The following ZFAT variants were observed in gnomAD, a reference collection of about 807,000 sequenced individuals.
ZFAT encodes zinc finger and AT-hook domain containing, also known as zinc finger protein ZFAT.
In ZFAT, 64 loss-of-function variants were observed where a neutral mutation model predicts 117.7. That is an observed-to-expected ratio of 0.54 (90% CI 0.44 to 0.67). The LOEUF (loss-of-function observed/expected upper bound fraction) is 0.67, where lower values mean the gene tolerates loss of function less well. ZFAT is among the 30% of genes least tolerant of loss of function. The probability of loss-of-function intolerance (pLI) is 0.00; values close to 1 mark genes in which losing one functional copy is unlikely to be tolerated. For synonymous variants in ZFAT, 679 were observed against 615.0 expected, an observed-to-expected ratio of 1.10 and a Z score of -1.54; for missense variants, 1,433 against 1,584.5, an observed-to-expected ratio of 0.90 and a Z score of 1.62.
intron 1 of ZFAT, chr8:134,696,655 T>G (rs1036390539): frequency 5.2e-6 from 5 of 966,078 alleles, no homozygotes; most frequent in Non-Finnish European, 4.9e-6. Context: ...GGACAGGGCA[T>G]CCTGCCGCCA....
At chr8:134,526,078 T>A (rs1008313925) in intron 12 of ZFAT, among the ~76,000 whole-genome samples, 1 of 152,180 alleles carries the variant, frequency 6.6e-6, no homozygotes, top group Non-Finnish European at 1.5e-5. Flanking sequence ...TGATGTTGCT[T>A]CTCCTATAAA....
intron 1 of ZFAT, among the ~76,000 whole-genome samples, chr8:134,684,441 T>C (rs1833220259): frequency 6.6e-6 from 1 of 152,198 alleles, no homozygotes; most frequent in South Asian, 2.1e-4. Flanking sequence ...CCAGACAGCT[T>C]GGGCCTCAGA....
intron 1 of ZFAT, 54 bp from the exon 2 acceptor site, chr8:134,657,791 T>C: frequency 6.4e-7 from 1 of 1,563,372 alleles, no homozygotes; most frequent in African/African-American, 1.4e-5. Flanking sequence ...AAACAATTAT[T>C]ACTTCCAATT....
At chr8:134,703,541 C>T (rs548291947) in intron 1 of ZFAT, among the ~76,000 whole-genome samples, 52 of 152,332 alleles carry the variant, frequency 3.4e-4, no homozygotes, top group African/African-American at 1.3e-3. Context: ...TTCATGGCCA[C>T]ATCAGCAAGC....
intron 3 of ZFAT, among the ~76,000 whole-genome samples, chr8:134,625,504 C>T (rs1223454255): frequency 6.6e-6 from 1 of 152,220 alleles, no homozygotes; most frequent in Non-Finnish European, 1.5e-5. Context: ...AGTGGTCCTG[C>T]CCTGCTCCCT....
chr8:134,801,673 A>G, the ZFAT span, among the ~76,000 whole-genome samples: 1 of 152,130 alleles, frequency 6.6e-6, no homozygotes, highest in Non-Finnish European at 1.5e-5. Context: ...TTCTCTGAAA[A>G]CACATTCAAA....
chr8:134,566,816 G>C (rs1824505109), intron 10 of ZFAT, among the ~76,000 whole-genome samples: 1 of 152,160 alleles, frequency 6.6e-6, no homozygotes, highest in South Asian at 2.1e-4. Flanking sequence ...TGACTGTACT[G>C]CATGTGACTC....
intron 11 of ZFAT, among the ~76,000 whole-genome samples, chr8:134,542,480 T>C (rs548717790): frequency 1.3e-5 from 2 of 152,368 alleles, no homozygotes; most frequent in African/African-American, 2.4e-5. Context: ...GGCCCCAGTG[T>C]GTACTGTTCC....
At chr8:134,807,713 T>TG in the ZFAT span, among the ~76,000 whole-genome samples, 975 of 145,488 alleles carry the variant, frequency 6.7e-3, 2 homozygotes, top group Non-Finnish European at 9.3e-3. Flanking sequence ...CCCAATTACA[T>TG]GGAAAAAAAA....
intron 2 of ZFAT, among the ~76,000 whole-genome samples, chr8:134,653,269 T>TAAAAAAAAA (rs1441852865): frequency 1.7e-4 from 17 of 99,154 alleles, no homozygotes; most frequent in Admixed American, 1.1e-3. Context: ...AATGTCTTTT[T>TAAAAAAAAA]TAAAAAAAAA....
At chr8:134,642,548 C>T (rs1830644091) in intron 2 of ZFAT, among the ~76,000 whole-genome samples, 1 of 152,196 alleles carries the variant, frequency 6.6e-6, no homozygotes. Flanking sequence ...ATCCTCCCAC[C>T]TGGTCCACAG....
intron 1 of ZFAT, among the ~76,000 whole-genome samples, chr8:134,670,015 A>G (rs973460863): frequency 6.6e-6 from 1 of 152,274 alleles, no homozygotes; most frequent in Non-Finnish European, 1.5e-5. Context: ...AGGCCAGTAC[A>G]TAATGGTAAA....
intron 11 of ZFAT, among the ~76,000 whole-genome samples, chr8:134,538,125 G>C (rs1436144095): frequency 1.3e-5 from 2 of 152,198 alleles, no homozygotes; most frequent in African/African-American, 4.8e-5. Context: ...CAAGTGAGAA[G>C]AGAAGCAGGA....
At chr8:134,785,402 G>T in the ZFAT span, 1 of 151,822 alleles carries the variant, frequency 6.6e-6, no homozygotes, top group South Asian at 2.1e-4. Context: ...TTTCTTCATG[G>T]TTCCCACTTT....
At chr8:134,692,394 G>A (rs1263202306) in intron 1 of ZFAT, among the ~76,000 whole-genome samples, 2 of 152,216 alleles carry the variant, frequency 1.3e-5, no homozygotes, top group African/African-American at 4.8e-5. Flanking sequence ...GAATCCAGGT[G>A]TCAGCAGGTG....
At chr8:134,766,695 T>C in the ZFAT span, 1 of 152,220 alleles carries the variant, frequency 6.6e-6, no homozygotes, top group East Asian at 1.9e-4. Flanking sequence ...CATTTATAAA[T>C]TATAACCATA....
chr8:134,602,097 T>C lies in ZFAT; in HGVS notation c.1622A>G (p.Gln541Arg). ...CGGCTCCTTCCGGCCCTCCTCCAGC[T>C]GAGTGTCCCCAGGACAGGCCTCTTC... is the stretch of plus-strand genomic sequence containing the variant. ...LKEEACPGDT[Q>R]LEEGRKEPEA... is the part of the protein sequence containing the mutation. Residue 541 changes from glutamine to arginine, a missense_variant, in exon 6 of 16, where the codon CAG becomes CGG. This residue lies in a region of ZFAT where 372 missense variants were observed against 355.6 expected (regional missense o/e 1.05). Transcript: ENST00000377838. The C allele has an allele frequency of 6.2e-7, 1 of 1,612,068 alleles. No homozygotes were observed. Among genetic ancestry groups the C allele is most frequent in the Non-Finnish European group, 8.5e-7 (1 of 1,179,388 alleles).
intron 15 of ZFAT, among the ~76,000 whole-genome samples, chr8:134,505,622 G>A (rs907505027): frequency 1.3e-5 from 2 of 152,164 alleles, no homozygotes; most frequent in African/African-American, 4.8e-5. Context: ...GGAAACAGAG[G>A]TCAGAGTGAG....
intron 15 of ZFAT, among the ~76,000 whole-genome samples, chr8:134,503,385 T>C (rs1276100482): frequency 1.3e-5 from 2 of 152,240 alleles, no homozygotes; most frequent in Admixed American, 6.5e-5. Flanking sequence ...CAAAATTGTC[T>C]CTGTGAAACT....
Sources: allele counts gnomAD v4.1 joint callset (sites outside exome capture counted in the v4.1 genomes callset), GRCh38; gene constraint gnomAD v4.1.1; regional missense constraint gnomAD v4.1.1; transcripts MANE v1.5; gene names NCBI Gene and HGNC (gene_info 2026-07-23, HGNC 2026-07-21).